The following RAP1GAP2 variants were observed in gnomAD, a reference collection of about 807,000 sequenced individuals.
RAP1GAP2 encodes the protein RAP1 GTPase activating protein 2.
A neutral mutation model predicts 95.0 loss-of-function variants in RAP1GAP2; 27 were observed. The observed-to-expected ratio is 0.28, with a 90% CI of 0.21 to 0.39. The LOEUF is 0.39. Among genes scored for constraint, RAP1GAP2 ranks in the 10% least tolerant of loss-of-function variants. The probability of loss-of-function intolerance (pLI) is 1.00; values close to 1 mark genes in which losing one functional copy is unlikely to be tolerated. For synonymous variants in RAP1GAP2, 373 were observed against 380.9 expected, an observed-to-expected ratio of 0.98 and a Z score of 0.24; for missense variants, 771 against 970.0, an observed-to-expected ratio of 0.79 and a Z score of 2.72.
intron 3 of RAP1GAP2, among the ~76,000 whole-genome samples, chr17:2,908,515 C>T (rs762961338): frequency 3.9e-5 from 6 of 151,952 alleles, no homozygotes; most frequent in Middle Eastern, 3.4e-3. Flanking sequence ...AAGCCTGACT[C>T]GGAGGGGCCG....
At chr17:2,973,430 C>G (rs1240729701) in intron 8 of RAP1GAP2, among the ~76,000 whole-genome samples, 1 of 152,076 alleles carries the variant, frequency 6.6e-6, no homozygotes, top group African/African-American at 2.4e-5. Flanking sequence ...GCAGGAGAAT[C>G]CCTTGAACCT....
At chr17:2,850,178 T>G (rs1205324286) in intron 2 of RAP1GAP2, among the ~76,000 whole-genome samples, 1 of 151,336 alleles carries the variant, frequency 6.6e-6, no homozygotes, top group Non-Finnish European at 1.5e-5. Flanking sequence ...TTTTTTGTAT[T>G]TTTAGTAGAG....
intron 2 of RAP1GAP2, among the ~76,000 whole-genome samples, chr17:2,861,788 G>A (rs945309134): frequency 6.6e-6 from 1 of 152,088 alleles, no homozygotes; most frequent in African/African-American, 2.4e-5. Context: ...CTGAGTAGCT[G>A]GGACTACAGG....
At chr17:2,830,570 T>C (rs1042225683) in intron 2 of RAP1GAP2, among the ~76,000 whole-genome samples, 24 of 151,638 alleles carry the variant, frequency 1.6e-4, no homozygotes, top group East Asian at 5.9e-4. Context: ...AAAAATTAGC[T>C]GGGCGTGGTG....
intron 4 of RAP1GAP2, among the ~76,000 whole-genome samples, chr17:2,960,846 T>C (rs1291187136): frequency 6.6e-6 from 1 of 152,200 alleles, no homozygotes; most frequent in Admixed American, 6.5e-5. Context: ...TGTCACCCGA[T>C]TTTCTCAGAT....
In RAP1GAP2 at chr17:2,961,115, G is replaced by A. The variant is rs558046126; in HGVS notation, c.202-1555G>A. Among the ~76,000 whole-genome samples, 6 of 152,298 alleles carry A rather than the reference G, an allele frequency of 3.9e-5. No individual in the cohort carries two copies. The East Asian group carries it at 1.2e-3, about 29-fold the overall frequency. ...GCCTGTAATCCCAGTTACTTGGGAG[G>A]CTGAGGCAGGAGAATCACTTGAACG... On this transcript the variant is annotated intron_variant, in intron 4 of 24. Transcript: ENST00000254695.
chr17:2,841,646 A>T (rs1172789311), intron 2 of RAP1GAP2, among the ~76,000 whole-genome samples: 1 of 152,136 alleles, frequency 6.6e-6, no homozygotes, highest in Non-Finnish European at 1.5e-5. Context: ...CCACCCTGGA[A>T]TGGTAGATGT....
rs1044653182 is a variant in RAP1GAP2 at position 2,870,217 on chromosome 17, G to A, written c.81-35067G>A. Among the ~76,000 whole-genome samples, 6 of 151,550 alleles carry A rather than the reference G, an allele frequency of 4.0e-5. No individual in the cohort carries two copies. Among genetic ancestry groups the A allele is most frequent in the African/African-American group, 1.5e-4 (6 of 41,188 alleles). ...ACTGTAACCTCCCTCCCAAGTTCAA[G>A]TGATTCTCCTTGCCTTAGCCTCCCG... is the stretch of plus-strand genomic sequence containing the variant. On this transcript the variant is annotated intron_variant, in intron 2 of 24. Transcript: ENST00000254695. This position sits in a 1 kb window ranked among gnomAD's most constrained non-coding sequence, Gnocchi z 4.4.
chr17:2,874,841 C>G (rs966484211), intron 2 of RAP1GAP2, among the ~76,000 whole-genome samples: 5 of 152,134 alleles, frequency 3.3e-5, no homozygotes, highest in African/African-American at 1.2e-4. Context: ...TGGTTCTGGA[C>G]CCGGTGGTCA....
upstream of RAP1GAP2, among the ~76,000 whole-genome samples, chr17:2,793,687 G>T (rs1210632481): frequency 1.3e-5 from 2 of 152,370 alleles, no homozygotes; most frequent in South Asian, 4.1e-4. Flanking sequence ...GAGAATGAAA[G>T]AAATCCAACT....
rs530067001 is a variant in RAP1GAP2, at chr17:3,037,365, C to T, written c.*4004C>T. The T allele has an allele frequency of 2.2e-5, 1 of 45,384 alleles. No individual in the cohort carries two copies. The highest frequency in any genetic ancestry group is 5.1e-5 in the African/African-American group (1 of 19,486). The allele number at this position is 45,384 out of a possible 1,614,324, so 2.8% of individuals were successfully genotyped here. A position where few individuals can be genotyped will look rare whatever the true frequency, so the allele number is the denominator to read the frequency against. On this transcript the variant is annotated 3_prime_UTR_variant, in exon 25 of 25. Transcript: ENST00000254695. ...CATTTCTGCTTGGAAGTGTGAACTA[C>T]CCCCCCCCCCCCGCTTCCTGCTCCT...
intron 1 of RAP1GAP2, among the ~76,000 whole-genome samples, chr17:2,779,018 A>T (rs149372512): frequency 1.3e-5 from 2 of 152,230 alleles, no homozygotes; most frequent in Non-Finnish European, 2.9e-5. Context: ...GTGGGGCTCA[A>T]GTGGTTCCCT....
intron 1 of RAP1GAP2, among the ~76,000 whole-genome samples, chr17:2,765,925 C>T (rs1312501387): frequency 6.6e-6 from 1 of 151,988 alleles, no homozygotes; most frequent in African/African-American, 2.4e-5. Context: ...GCCAAGATTG[C>T]ACCACTGCAC....
intron 2 of RAP1GAP2, among the ~76,000 whole-genome samples, chr17:2,834,220 T>C (rs1033792951): frequency 6.6e-6 from 1 of 152,226 alleles, no homozygotes; most frequent in East Asian, 1.9e-4. Flanking sequence ...CTTTAGATTT[T>C]CATCCTATCC....
intron 3 of RAP1GAP2, among the ~76,000 whole-genome samples, chr17:2,940,240 C>T (rs2043445422): frequency 6.6e-6 from 1 of 152,044 alleles, no homozygotes; most frequent in African/African-American, 2.4e-5. Context: ...AAGGAGGAAC[C>T]GAGACCAGGG....
At chr17:2,935,472 A>G (rs532367464) in intron 3 of RAP1GAP2, among the ~76,000 whole-genome samples, 1 of 152,128 alleles carries the variant, frequency 6.6e-6, no homozygotes, top group East Asian at 1.9e-4. Context: ...GTGCCATTGC[A>G]CTCCAGCCTG....
At position 2,759,321 on chromosome 17, in the gene RAP1GAP2, C is replaced by T. The variant is rs1188124739; in HGVS notation, c.50+3554C>T. Among the ~76,000 whole-genome samples, 3 of 152,266 alleles carry T rather than the reference C, an allele frequency of 2.0e-5. No homozygotes were observed. In the East Asian group the frequency reaches 5.8e-4, roughly 29 times the overall value. On this transcript the variant is annotated intron_variant, in intron 1 of 25. Coordinates refer to the RAP1GAP2 transcript ENST00000637138. ...TTTGAGACAGAATCTTGCTCTGTCA[C>T]CCAGGATAGAGTGCAGTGGCTCAAT...
intron 2 of RAP1GAP2, among the ~76,000 whole-genome samples, 169 bp downstream of exon 2, chr17:2,800,719 T>C (rs1266913401): frequency 1.3e-5 from 2 of 152,120 alleles, no homozygotes; most frequent in Non-Finnish European, 2.9e-5. Context: ...TAACTCTTAT[T>C]CCTGGGGTGT....
At chr17:2,978,551 T>C (rs892498617) in intron 8 of RAP1GAP2, among the ~76,000 whole-genome samples, 4 of 152,200 alleles carry the variant, frequency 2.6e-5, no homozygotes, top group Non-Finnish European at 5.9e-5. Flanking sequence ...TCTGGAATTT[T>C]CCATGTAATA....
Sources: allele counts gnomAD v4.1 joint callset (sites outside exome capture counted in the v4.1 genomes callset), GRCh38; gene constraint gnomAD v4.1.1; non-coding constraint Gnocchi (gnomAD v3.1); transcripts MANE v1.5; gene names NCBI Gene and HGNC (gene_info 2026-07-23, HGNC 2026-07-21).